OSBPL8: variants seen among roughly 807,000 people sequenced by gnomAD.
OSBPL8 encodes oxysterol-binding protein-related protein 8.
In OSBPL8, 59 loss-of-function variants were observed where a neutral mutation model predicts 125.5. That is an observed-to-expected ratio of 0.47 (90% CI 0.38 to 0.58). OSBPL8 has a LOEUF of 0.58. Among genes scored for constraint, OSBPL8 ranks in the 20% least tolerant of loss-of-function variants. The pLI is 0.00. For synonymous variants in OSBPL8, 330 were observed against 338.9 expected (o/e 0.97, Z 0.29); for missense variants, 758 against 1,047.8 (o/e 0.72, Z 3.82).
intron 1 of OSBPL8, among the ~76,000 whole-genome samples, chr12:76,497,839 A>C (rs1044481744): frequency 3.9e-5 from 6 of 152,318 alleles, no homozygotes; most frequent in African/African-American, 1.4e-4. Flanking sequence ...ACTTCTCTCC[A>C]TAACTTGTAC....
intron 1 of OSBPL8, among the ~76,000 whole-genome samples, chr12:76,556,316 G>T (rs1374886836): frequency 1.3e-5 from 2 of 151,982 alleles, no homozygotes; most frequent in African/African-American, 4.8e-5. Context: ...CTAGGACTAG[G>T]ATTTCTTCCC....
At chr12:76,373,978 A>G (rs1215659899) in intron 17 of OSBPL8, among the ~76,000 whole-genome samples, 2 of 152,176 alleles carry the variant, frequency 1.3e-5, no homozygotes, top group South Asian at 2.1e-4. Flanking sequence ...CCAATGTCAT[A>G]CTTAAAGGCA....
intron 21 of OSBPL8, among the ~76,000 whole-genome samples, chr12:76,363,359 A>T (rs1952283056): frequency 6.6e-6 from 1 of 152,214 alleles, no homozygotes; most frequent in African/African-American, 2.4e-5. Context: ...AACGCCACAC[A>T]TCTACAACCA....
chr12:76,465,153 T>C (rs184842033), intron 2 of OSBPL8, among the ~76,000 whole-genome samples: 21 of 152,300 alleles, frequency 1.4e-4, no homozygotes, highest in Admixed American at 3.9e-4. Context: ...CACTGTTGGA[T>C]AAAGAATATT....
At chr12:76,427,182 A>G (rs957052858) in intron 4 of OSBPL8, among the ~76,000 whole-genome samples, 3 of 152,134 alleles carry the variant, frequency 2.0e-5, no homozygotes, top group African/African-American at 4.8e-5. Flanking sequence ...CTGAGAAACT[A>G]CTTGGCAAAC....
At chr12:76,359,388 G>T (rs1242613735) in intron 21 of OSBPL8, among the ~76,000 whole-genome samples, 2 of 152,094 alleles carry the variant, frequency 1.3e-5, no homozygotes, top group African/African-American at 4.8e-5. Context: ...TAAACTTACT[G>T]AAAGGATTGA....
chr12:76,444,576 A>C (rs1872551127), intron 4 of OSBPL8, among the ~76,000 whole-genome samples: 1 of 152,250 alleles, frequency 6.6e-6, no homozygotes, highest in Non-Finnish European at 1.5e-5. Flanking sequence ...CACGATGATG[A>C]GAAACACAAG....
At chr12:76,504,269 CTGTT>C (rs1366448369) in intron 1 of OSBPL8, among the ~76,000 whole-genome samples, 3 of 151,996 alleles carry the variant, frequency 2.0e-5, no homozygotes, top group Non-Finnish European at 4.4e-5. Context: ...ACTGTTGGTA[CTGTT>C]TTTCTAGAGT....
intron 1 of OSBPL8, among the ~76,000 whole-genome samples, chr12:76,557,510 G>A (rs1185410360): frequency 6.6e-6 from 1 of 151,686 alleles, no homozygotes; most frequent in Non-Finnish European, 1.5e-5. Context: ...AGCTACTCAG[G>A]AGGCTGAAGC....
At chr12:76,534,795 A>G (rs1299114411) in intron 1 of OSBPL8, among the ~76,000 whole-genome samples, 1 of 152,204 alleles carries the variant, frequency 6.6e-6, no homozygotes, top group African/African-American at 2.4e-5. Flanking sequence ...ATGTGGTACT[A>G]GCATACCGCA....
intron 3 of OSBPL8, among the ~76,000 whole-genome samples, chr12:76,458,106 T>C (rs542519739): frequency 6.6e-6 from 1 of 151,848 alleles, no homozygotes; most frequent in South Asian, 2.1e-4. Context: ...ACCCTGTGTC[T>C]ACAAAAAATA....
chr12:76,506,114 A>T (rs1880389401), intron 1 of OSBPL8, among the ~76,000 whole-genome samples: 1 of 152,218 alleles, frequency 6.6e-6, no homozygotes, highest in Non-Finnish European at 1.5e-5. Flanking sequence ...GATGAATCAG[A>T]TATAAGGTGT....
Position 76,457,715 on chromosome 12 carries a change from T to TTA in OSBPL8, c.79+2142_79+2143dup, listed in dbSNP as rs1167891000. Among the ~76,000 whole-genome samples the TTA allele has an allele frequency of 5.9e-5, 9 of 152,296 alleles. No homozygotes were observed. The East Asian group carries it at 1.7e-3, about 29-fold the overall frequency. ...CTAATATTATGTTGTATATTTTTAT[T>TTA]TATATATATGCTTGAAATATATAAC... On this transcript the variant is annotated intron_variant, in intron 3 of 23. Coordinates refer to ENST00000261183, the MANE Select transcript of OSBPL8 (RefSeq NM_020841.5).
intron 18 of OSBPL8, among the ~76,000 whole-genome samples, chr12:76,372,695 A>G (rs531633142): frequency 6.6e-6 from 1 of 152,320 alleles, no homozygotes; most frequent in East Asian, 1.9e-4. Flanking sequence ...TCCATGCAGT[A>G]CCATGATTCT....
chr12:76,396,932 A>C (rs540423123), intron 8 of OSBPL8, among the ~76,000 whole-genome samples: 2 of 152,022 alleles, frequency 1.3e-5, no homozygotes, highest in African/African-American at 4.8e-5. Flanking sequence ...CTCCCACCGC[A>C]GACTCCTGAA....
intron 2 of OSBPL8, among the ~76,000 whole-genome samples, chr12:76,465,824 G>T (rs1303361547): frequency 1.3e-5 from 2 of 151,956 alleles, no homozygotes; most frequent in African/African-American, 4.8e-5. Context: ...TGGCCAACAT[G>T]GTGAAACCCC....
intron 6 of OSBPL8, among the ~76,000 whole-genome samples, chr12:76,401,637 C>A (rs1362333570): frequency 6.6e-6 from 1 of 152,062 alleles, no homozygotes. Context: ...TAACCACTGG[C>A]CTATACTGCT....
chr12:76,461,740 T>A (rs1874766436), intron 2 of OSBPL8, among the ~76,000 whole-genome samples: 1 of 152,088 alleles, frequency 6.6e-6, no homozygotes, highest in Non-Finnish European at 1.5e-5. Context: ...CCCGGCATAG[T>A]AAGTCTTTCA....
At chr12:76,398,692 G>A (rs1953925312) in intron 7 of OSBPL8, among the ~76,000 whole-genome samples, 1 of 152,086 alleles carries the variant, frequency 6.6e-6, no homozygotes, top group South Asian at 2.1e-4. Context: ...TTATTTCAAT[G>A]CACCTACATG....
Sources: allele counts gnomAD v4.1 joint callset (sites outside exome capture counted in the v4.1 genomes callset), GRCh38; gene constraint gnomAD v4.1.1; transcripts MANE v1.5; gene names NCBI Gene and HGNC (gene_info 2026-07-23, HGNC 2026-07-21).